The following IQCH variants were observed in gnomAD, a reference collection of about 807,000 sequenced individuals.
The protein encoded by IQCH is IQ motif containing H, also known as IQ domain-containing protein H.
In IQCH, 98 loss-of-function variants were observed where a neutral mutation model predicts 117.0. That is an observed-to-expected ratio of 0.84 (90% CI 0.71 to 0.99). The LOEUF is 0.99. Ranked by LOEUF, IQCH falls within the 50% of genes least tolerant of loss-of-function variation. The pLI is 0.00. For missense variants in IQCH, 1,102 were observed against 1,243.8 expected (o/e 0.89, Z 1.72); for synonymous variants, 412 against 448.2 (o/e 0.92, Z 1.02).
chr15:67,456,577 C>A lies in IQCH; in HGVS notation c.2506-8550C>A, dbSNP rs967762405. Among the ~76,000 whole-genome samples, 5 of 151,366 alleles carry A rather than the reference C, an allele frequency of 3.3e-5. No homozygotes were observed. Among genetic ancestry groups the A allele is most frequent in the African/African-American group, 1.2e-4 (5 of 41,330 alleles). ...CATCGTATCAAATGTATTAAAAATC[C>A]ATTTCATCTATTCCATGAGGATAAT... On this transcript the variant is annotated intron_variant, in intron 16 of 20. Transcript: ENST00000335894. The surrounding 1 kb of genome is among the most constrained non-coding windows in gnomAD (Gnocchi z 5.1).
At chr15:67,438,764 T>C (rs939614860) in intron 16 of IQCH, among the ~76,000 whole-genome samples, 12 of 152,318 alleles carry the variant, frequency 7.9e-5, no homozygotes, top group African/African-American at 1.9e-4. Context: ...GCTATTCTTA[T>C]ATCACACAAA....
chr15:67,446,118 A>G (rs964396158), intron 16 of IQCH, among the ~76,000 whole-genome samples: 1 of 152,252 alleles, frequency 6.6e-6, no homozygotes, highest in Non-Finnish European at 1.5e-5. Flanking sequence ...ACTTCTATTC[A>G]TATGAAAGAC....
chr15:67,280,014 TA>T (rs888687039), intron 4 of IQCH, among the ~76,000 whole-genome samples: 274 of 144,252 alleles, frequency 1.9e-3, no homozygotes, highest in Middle Eastern at 0.014. Context: ...AGACTCCGTC[TA>T]AAAAAAAAAA....
At chr15:67,315,911 G>C (rs1967823467) in intron 4 of IQCH, among the ~76,000 whole-genome samples, 1 of 152,164 alleles carries the variant, frequency 6.6e-6, no homozygotes, top group Non-Finnish European at 1.5e-5. Context: ...CAGAGGATGA[G>C]AGAAACCCTG....
At position 67,481,382 on chromosome 15, in the gene IQCH, A is replaced by G. The variant is rs1256507132; in HGVS notation, c.2799+5564A>G. Among the ~76,000 whole-genome samples the G allele has an allele frequency of 2.0e-5, 3 of 152,162 alleles. No individual in the cohort carries two copies. Among genetic ancestry groups the G allele is most frequent in the Non-Finnish European group, 4.4e-5 (3 of 68,042 alleles). On this transcript the variant is annotated intron_variant, in intron 18 of 20. Transcript: ENST00000335894. This position sits in a 1 kb window ranked among gnomAD's most constrained non-coding sequence, Gnocchi z 4.1. ...AGAGAGAAGTGCCGAGCAAAGGGGGAACATCCCCTTATAAAATCATCAGAT... is the reference window on the plus strand; with the variant it reads ...AGAGAGAAGTGCCGAGCAAAGGGGGGACATCCCCTTATAAAATCATCAGAT...
rs1970047161 is a variant in IQCH, at chr15:67,359,611, A to G, written c.715-236A>G. ...CATCTGATTATAGTTGTTTTTGTAA[A>G]TATTTACTTAATCAAACTCTTTCTT... On this transcript the variant is annotated intron_variant, in intron 7 of 20. Coordinates refer to ENST00000335894, the MANE Select transcript of IQCH (RefSeq NM_001031715.3). This position sits in a 1 kb window ranked among gnomAD's most constrained non-coding sequence, Gnocchi z 4.5. Among the ~76,000 whole-genome samples the G allele has an allele frequency of 6.6e-6, 1 of 152,210 alleles. No individual in the cohort carries two copies. Among genetic ancestry groups the G allele is most frequent in the Non-Finnish European group, 1.5e-5 (1 of 68,030 alleles).
rs140752401 is a variant in IQCH at position 67,390,733 on chromosome 15, C to T, written c.1632+1727C>T. On this transcript the variant is annotated intron_variant, in intron 12 of 20. Transcript: ENST00000335894. The surrounding 1 kb of genome is among the most constrained non-coding windows in gnomAD (Gnocchi z 5.0). ...CGAACTCCTGACCTCAAGTGATCCG[C>T]CTGCCTTGGCCTCCCAAAGTGCTGG... is the stretch of plus-strand genomic sequence containing the variant. 0.011 allele frequency among the ~76,000 whole-genome samples: 1,739 copies of T among 152,282 alleles called. 35 individuals carry two copies. The highest frequency in any genetic ancestry group is 0.04 in the African/African-American group (1,666 of 41,556).
chr15:67,318,718 C>T (rs569168305), intron 4 of IQCH, among the ~76,000 whole-genome samples: 19 of 152,080 alleles, frequency 1.2e-4, no homozygotes, highest in African/African-American at 3.4e-4. Context: ...AAAAACTCAG[C>T]GTAGATATTG....
rs2082837469 is a variant in IQCH, at chr15:67,463,069, T to A, written c.2506-2058T>A. On this transcript the variant is annotated intron_variant, in intron 16 of 20. Coordinates refer to ENST00000335894, the MANE Select transcript of IQCH (RefSeq NM_001031715.3). The surrounding 1 kb of genome is among the most constrained non-coding windows in gnomAD (Gnocchi z 4.0). ...ACAGCTTGACCTCTTAATATCCTTATAATGACGCCATTTACATTCAATGCT... is the reference window on the plus strand; with the variant it reads ...ACAGCTTGACCTCTTAATATCCTTAAAATGACGCCATTTACATTCAATGCT... Among the ~76,000 whole-genome samples, 1 of 152,246 alleles carries A rather than the reference T, an allele frequency of 6.6e-6. No homozygotes were observed. Among genetic ancestry groups the A allele is most frequent in the Non-Finnish European group, 1.5e-5 (1 of 68,046 alleles).
chr15:67,334,972 G>A (rs1341643889), intron 4 of IQCH, among the ~76,000 whole-genome samples: 1 of 152,120 alleles, frequency 6.6e-6, no homozygotes, highest in African/African-American at 2.4e-5. Flanking sequence ...ACAGCAGAGT[G>A]GACAGATGTT....
In IQCH at chr15:67,463,446, A is replaced by G. The variant is rs1279928627; in HGVS notation, c.2506-1681A>G. 2.0e-5 allele frequency among the ~76,000 whole-genome samples: 3 copies of G among 152,234 alleles called. No individual in the cohort carries two copies. Among genetic ancestry groups the G allele is most frequent in the African/African-American group, 7.2e-5 (3 of 41,462 alleles). On this transcript the variant is annotated intron_variant, in intron 16 of 20. Coordinates refer to ENST00000335894, the MANE Select transcript of IQCH (RefSeq NM_001031715.3). The surrounding 1 kb of genome is among the most constrained non-coding windows in gnomAD (Gnocchi z 4.0). Reference sequence around the variant, plus strand: ...GGATTGGCTGGGCCAGAATCAGGGAATGGGAAGAAGGTAGACTTGGAGCCA... The same window carrying G: ...GGATTGGCTGGGCCAGAATCAGGGAGTGGGAAGAAGGTAGACTTGGAGCCA...
At position 67,405,396 on chromosome 15, in the gene IQCH, ATCAT is replaced by A. The variant is rs1971852704; in HGVS notation, c.2097+5092_2097+5095del. On this transcript the variant is annotated intron_variant, in intron 14 of 20. Transcript: ENST00000335894. The surrounding 1 kb of genome is among the most constrained non-coding windows in gnomAD (Gnocchi z 4.8). The stretch of plus-strand genomic sequence containing the variant: ...CATTTCCTTGTATTTCTTTGTCATC[ATCAT>A]CATCATCATCATCATCATCATCATC... 1.5e-5 allele frequency: 1 copy of A among 66,770 alleles called. No homozygotes were observed. The highest frequency in any genetic ancestry group is 4.4e-5 in the Non-Finnish European group (1 of 22,708). The allele number at this position is 66,770 out of a possible 1,614,324, so 4.1% of individuals were successfully genotyped here.
intron 4 of IQCH, among the ~76,000 whole-genome samples, chr15:67,315,241 C>T (rs1967791718): frequency 1.3e-5 from 2 of 152,102 alleles, no homozygotes; most frequent in African/African-American, 4.8e-5. Flanking sequence ...ACACAGAATC[C>T]AGTTAGAAGG....
chr15:67,452,311 TCCTGG>T (rs2082547800), intron 16 of IQCH, among the ~76,000 whole-genome samples: 1 of 152,206 alleles, frequency 6.6e-6, no homozygotes, highest in Non-Finnish European at 1.5e-5. Context: ...TGCAGTTTCT[TCCTGG>T]CCTTGATGGT....
At chr15:67,455,868 A>T (rs1439994732) in intron 16 of IQCH, among the ~76,000 whole-genome samples, 1 of 152,248 alleles carries the variant, frequency 6.6e-6, no homozygotes, top group Non-Finnish European at 1.5e-5. Context: ...CGCATATACA[A>T]TTACTAGTCC....
At chr15:67,437,610 AC>A (rs2082169476) in intron 16 of IQCH, among the ~76,000 whole-genome samples, 1 of 152,228 alleles carries the variant, frequency 6.6e-6, no homozygotes, top group Non-Finnish European at 1.5e-5. Flanking sequence ...TCAGGGAGAG[AC>A]CAGAGAAAGG....
intron 13 of IQCH, among the ~76,000 whole-genome samples, chr15:67,396,954 A>T (rs1596307846): frequency 6.6e-6 from 1 of 152,224 alleles, no homozygotes; most frequent in Admixed American, 6.5e-5. Context: ...ATCACAACCT[A>T]GGACAGTCGC....
intron 1 of IQCH, 99 bp from the exon 2 acceptor site, chr15:67,261,173 C>T: frequency 1.3e-6 from 1 of 766,200 alleles, no homozygotes; most frequent in Non-Finnish European, 2.0e-6. Flanking sequence ...CTTTGTGTCT[C>T]TACCAATTCA....
At chr15:67,256,436 G>C (rs1965207328) in intron 1 of IQCH, among the ~76,000 whole-genome samples, 1 of 152,138 alleles carries the variant, frequency 6.6e-6, no homozygotes, top group Non-Finnish European at 1.5e-5. Context: ...GTTTCCCGCT[G>C]CTCCAGAGGT....
Sources: gnomAD v4.1 joint callset for allele counts (sites outside exome capture counted in the v4.1 genomes callset) on GRCh38, gnomAD v4.1.1 for gene constraint, Gnocchi (gnomAD v3.1) non-coding constraint, MANE v1.5 for transcripts, NCBI Gene and HGNC (gene_info 2026-07-23, HGNC 2026-07-21) for gene names.